Variants in HABP4 observed in about 807,000 individuals in gnomAD.
HABP4 encodes hyaluronan binding protein 4.
In HABP4, 32 loss-of-function variants were observed where a neutral mutation model predicts 44.1. The ratio of observed to expected loss-of-function variants is 0.73; its 90% CI spans 0.55 to 0.97. HABP4 has a LOEUF of 0.97. Among genes scored for constraint, HABP4 ranks in the 50% least tolerant of loss-of-function variants. HABP4 has a pLI of 0.00. For missense variants in HABP4, 503 were observed against 561.9 expected, an observed-to-expected ratio of 0.90 and a Z score of 1.06; for synonymous variants, 216 against 218.0, an observed-to-expected ratio of 0.99 and a Z score of 0.08.
intron 4 of HABP4, among the ~76,000 whole-genome samples, chr9:96,470,017 T>C (rs1014988653): frequency 4.6e-5 from 7 of 152,158 alleles, no homozygotes; most frequent in African/African-American, 1.7e-4. Flanking sequence ...TGCTGAAGTT[T>C]AAGAAATACT....
intron 4 of HABP4, 103 bp from the exon 5 acceptor site, chr9:96,470,908 A>C (rs549169107): frequency 2.7e-6 from 2 of 751,152 alleles, no homozygotes; most frequent in Non-Finnish European, 4.6e-6. Context: ...AAAAAAAAAA[A>C]AACCCAAAAA....
intron 7 of HABP4, among the ~76,000 whole-genome samples, chr9:96,489,772 G>T (rs1013517477): frequency 6.6e-6 from 1 of 152,236 alleles, no homozygotes; most frequent in Non-Finnish European, 1.5e-5. Flanking sequence ...AAGGGAGGCA[G>T]CTCCTTTTTC....
intron 5 of HABP4, among the ~76,000 whole-genome samples, chr9:96,477,701 T>C: frequency 6.6e-6 from 1 of 152,234 alleles, no homozygotes; most frequent in Non-Finnish European, 1.5e-5. Flanking sequence ...TAAAACAGCT[T>C]TGAGATATAA....
chr9:96,462,313 TG>T (rs71368268), intron 2 of HABP4, among the ~76,000 whole-genome samples: 3,263 of 151,992 alleles, frequency 0.021, 58 homozygotes, highest in Non-Finnish European at 0.035. Flanking sequence ...TAGCCGGATG[TG>T]GTGGCACACG....
chr9:96,476,761 G>A (rs1832792246), intron 5 of HABP4, among the ~76,000 whole-genome samples: 1 of 152,224 alleles, frequency 6.6e-6, no homozygotes, highest in East Asian at 1.9e-4. Context: ...GTGTGTGTTT[G>A]CTAATAACTT....
chr9:96,478,321 C>T (rs550144018), intron 5 of HABP4, among the ~76,000 whole-genome samples: 9 of 152,100 alleles, frequency 5.9e-5, no homozygotes, highest in African/African-American at 2.2e-4. Context: ...TTAGTAGAGA[C>T]GGGGTTTCAC....
chr9:96,478,064 C>A (rs1438570138), intron 5 of HABP4, among the ~76,000 whole-genome samples: 2 of 152,164 alleles, frequency 1.3e-5, no homozygotes, highest in Middle Eastern at 3.2e-3. Context: ...TACAGGTGGA[C>A]CACCATTTAT....
chr9:96,457,196 G>A lies in HABP4; in HGVS notation c.350-1183G>A, dbSNP rs577435285. ...AGCCTGACCAGGTTAGAGAAACGTCGTCTCTACTGAAAATACAACATTAGC... is the reference window on the plus strand; with the variant it reads ...AGCCTGACCAGGTTAGAGAAACGTCATCTCTACTGAAAATACAACATTAGC... On this transcript the variant is annotated intron_variant, in intron 1 of 7. Coordinates refer to ENST00000375249, the MANE Select transcript of HABP4 (RefSeq NM_014282.4). Among the ~76,000 whole-genome samples the A allele has an allele frequency of 2.4e-4, 37 of 152,166 alleles. No homozygotes were observed. The South Asian group carries it at 3.9e-3, about 16-fold the overall frequency.
At chr9:96,469,363 G>T (rs1055856217) in intron 4 of HABP4, among the ~76,000 whole-genome samples, 4 of 152,098 alleles carry the variant, frequency 2.6e-5, no homozygotes, top group African/African-American at 4.8e-5. Context: ...TTAAGTTTGA[G>T]GTCTGATTAA....
intron 7 of HABP4, among the ~76,000 whole-genome samples, chr9:96,489,606 C>T (rs1207893173): frequency 1.3e-5 from 2 of 152,238 alleles, no homozygotes; most frequent in Non-Finnish European, 2.9e-5. Context: ...GTTAGTGAAG[C>T]TCCTGATTCG....
intron 5 of HABP4, among the ~76,000 whole-genome samples, chr9:96,479,104 A>G (rs1434784679): frequency 6.6e-6 from 1 of 152,232 alleles, no homozygotes; most frequent in African/African-American, 2.4e-5. Context: ...CATACACATT[A>G]TAAGATAAAA....
At chr9:96,468,398 C>T (rs1832641811) in intron 4 of HABP4, among the ~76,000 whole-genome samples, 1 of 152,104 alleles carries the variant, frequency 6.6e-6, no homozygotes, top group African/African-American at 2.4e-5. Context: ...GCTGGGACTA[C>T]AGGCGCATGC....
chr9:96,466,215 C>G (rs1000905716), intron 4 of HABP4, among the ~76,000 whole-genome samples: 35 of 152,116 alleles, frequency 2.3e-4, no homozygotes, highest in African/African-American at 8.4e-4. Flanking sequence ...ACTAAAAATA[C>G]AAAACCTAGC....
intron 4 of HABP4, among the ~76,000 whole-genome samples, chr9:96,469,005 T>C (rs971385576): frequency 6.6e-6 from 1 of 152,236 alleles, no homozygotes; most frequent in Non-Finnish European, 1.5e-5. Context: ...AGGGCTTTGC[T>C]GTAGTCGAGT....
chr9:96,459,225 C>T (rs1832457343), intron 2 of HABP4, among the ~76,000 whole-genome samples: 1 of 152,190 alleles, frequency 6.6e-6, no homozygotes, highest in Non-Finnish European at 1.5e-5. Context: ...TTTGATTTCA[C>T]ATTACCAATT....
intron 2 of HABP4, among the ~76,000 whole-genome samples, chr9:96,464,655 A>C (rs34551341): frequency 0.025 from 3,874 of 152,252 alleles, 72 homozygotes; most frequent in Middle Eastern, 0.051. Context: ...GAAAGTCAGG[A>C]AGATTGGTGG....
At chr9:96,475,199 A>G (rs551267514) in intron 5 of HABP4, among the ~76,000 whole-genome samples, 9 of 152,172 alleles carry the variant, frequency 5.9e-5, no homozygotes, top group African/African-American at 2.2e-4. Context: ...ACACGGTGAA[A>G]CCCAGTCTCT....
intron 1 of HABP4, chr9:96,451,452 T>C (rs1832276497): frequency 1.0e-6 from 1 of 984,628 alleles, no homozygotes. Flanking sequence ...CACCTGTGTT[T>C]CCTGTTTTCT....
chr9:96,486,012 G>A (rs1222372015), intron 6 of HABP4, among the ~76,000 whole-genome samples: 1 of 152,142 alleles, frequency 6.6e-6, no homozygotes, highest in Non-Finnish European at 1.5e-5. Context: ...AGCCAACATA[G>A]TGAAACCCTG....
Sources: gnomAD v4.1 joint callset for allele counts (sites outside exome capture counted in the v4.1 genomes callset) on GRCh38, gnomAD v4.1.1 for gene constraint, MANE v1.5 for transcripts, NCBI Gene and HGNC (gene_info 2026-07-23, HGNC 2026-07-21) for gene names.